The following C19orf12 variants were observed in gnomAD, a reference collection of about 807,000 sequenced individuals.
C19orf12 encodes the protein protein C19orf12.
C19orf12 carries 2 observed loss-of-function variants against 3.8 expected under a neutral mutation model. The ratio of observed to expected loss-of-function variants is 0.53; its 90% CI spans 0.22 to 1.66. C19orf12 has a LOEUF of 1.66. Ranked by LOEUF, C19orf12 falls within the 40% of genes most tolerant of loss-of-function variation. C19orf12 has a pLI of 0.20. For missense variants in C19orf12, 156 were observed against 188.8 expected (o/e 0.83, Z 1.02); for synonymous variants, 89 against 84.6 (o/e 1.05, Z -0.28).
chr19:29,708,837 T>G (rs1298026192), intron 1 of C19orf12, among the ~76,000 whole-genome samples: 1 of 152,184 alleles, frequency 6.6e-6, no homozygotes, highest in Non-Finnish European at 1.5e-5. Flanking sequence ...GTGAGGCATC[T>G]GAGCTGAGGC....
intron 1 of C19orf12, among the ~76,000 whole-genome samples, chr19:29,710,651 C>A (rs1004743979): frequency 6.6e-6 from 1 of 152,160 alleles, no homozygotes; most frequent in Non-Finnish European, 1.5e-5. Flanking sequence ...GAGGGCAGGC[C>A]TTGTGAGCCC....
At position 29,700,011 on chromosome 19, in the gene C19orf12, C is replaced by T. The variant is rs1599526376; in HGVS notation, c.*2701G>A. ...GCCTCCAAGTCACCCCAGGACCCAG[C>T]TAGTTCCAGTGTCTTCACTCAGCAA... On this transcript the variant is annotated 3_prime_UTR_variant, in exon 3 of 3. Coordinates refer to ENST00000323670, the MANE Select transcript of C19orf12 (RefSeq NM_031448.6). 2.2e-6 allele frequency: 1 copy of T among 454,084 alleles called. No individual in the cohort carries two copies. Among genetic ancestry groups the T allele is most frequent in the South Asian group, 1.6e-5 (1 of 64,474 alleles). 28.1% of individuals were successfully genotyped at this position (454,084 alleles called of 1,614,324 possible). A position where few individuals can be genotyped will look rare whatever the true frequency, so the allele number is the denominator to read the frequency against.
At position 29,701,387 on chromosome 19, in the gene C19orf12, T is replaced by G. The variant is rs1432171059; in HGVS notation, c.*1325A>C. On this transcript the variant is annotated 3_prime_UTR_variant, in exon 3 of 3. Coordinates refer to ENST00000323670, the MANE Select transcript of C19orf12 (RefSeq NM_031448.6). ...ACACCTTCCTGTATAATTTAAATCA[T>G]CTCTAGATTTCTTATAATACCAAAT... 1 of 454,154 alleles carries G rather than the reference T, an allele frequency of 2.2e-6. No individual in the cohort carries two copies. Among genetic ancestry groups the G allele is most frequent in the Admixed American group, 2.3e-5 (1 of 42,582 alleles). The allele number at this position is 454,154 out of a possible 1,614,324, so 28.1% of individuals were successfully genotyped here. A position where few individuals can be genotyped will look rare whatever the true frequency, so the allele number is the denominator to read the frequency against.
chr19:29,712,795 G>A (rs894172843), intron 1 of C19orf12, among the ~76,000 whole-genome samples: 6 of 152,078 alleles, frequency 3.9e-5, no homozygotes, highest in Admixed American at 1.3e-4. Context: ...GAGTGTCTGC[G>A]TCCTTGATTT....
chr19:29,704,288 T>G (rs1177838671), intron 2 of C19orf12, among the ~76,000 whole-genome samples: 1 of 151,980 alleles, frequency 6.6e-6, no homozygotes, highest in African/African-American at 2.4e-5. Flanking sequence ...GCCAACATGG[T>G]GAAACCCTGT....
At chr19:29,707,544 T>C (rs890971528) in intron 2 of C19orf12, among the ~76,000 whole-genome samples, 2 of 152,156 alleles carry the variant, frequency 1.3e-5, no homozygotes, top group Non-Finnish European at 2.9e-5. Context: ...TGGTTTCCTT[T>C]CTGCAGGGAC....
rs1176800418 is a variant in C19orf12, at chr19:29,700,185, G to A, written c.*2527C>T. 4.4e-6 allele frequency: 2 copies of A among 454,058 alleles called. No individual in the cohort carries two copies. Among genetic ancestry groups the A allele is most frequent in the Non-Finnish European group, 8.8e-6 (2 of 226,778 alleles). 28.1% of individuals were successfully genotyped at this position (454,058 alleles called of 1,614,324 possible). A position where few individuals can be genotyped will look rare whatever the true frequency, so the allele number is the denominator to read the frequency against. ...GGGACCACCTGTGTCCCCTGGGCCTGACACAGACCAGGACCTGATGCACGA... is the reference window on the plus strand; with the variant it reads ...GGGACCACCTGTGTCCCCTGGGCCTAACACAGACCAGGACCTGATGCACGA... On this transcript the variant is annotated 3_prime_UTR_variant, in exon 3 of 3. Coordinates refer to ENST00000323670, the MANE Select transcript of C19orf12 (RefSeq NM_031448.6).
chr19:29,714,230 C>T (rs2145659236), intron 1 of C19orf12, among the ~76,000 whole-genome samples: 1 of 152,190 alleles, frequency 6.6e-6, no homozygotes, highest in Admixed American at 6.5e-5. Flanking sequence ...CGGGGTGGCT[C>T]ACGTCTGTAA....
chr19:29,713,415 C>T (rs1041216440), intron 1 of C19orf12, among the ~76,000 whole-genome samples: 7 of 152,006 alleles, frequency 4.6e-5, no homozygotes, highest in East Asian at 1.9e-4. Context: ...TACAGAGAGA[C>T]GGAGACAAGC....
At chr19:29,705,361 C>T (rs1463704448) in intron 2 of C19orf12, 6 of 416,824 alleles carry the variant, frequency 1.4e-5, no homozygotes, top group South Asian at 8.2e-5. Flanking sequence ...AGAAAGCAGG[C>T]GATTCAATGC....
rs969820067 is a variant in C19orf12 at position 29,700,038 on chromosome 19, G to T, written c.*2674C>A. ...AGTTCCAGTGTCTTCACTCAGCAAG[G>T]CCTGCTCCATCGGACACAAAACTGA... On this transcript the variant is annotated 3_prime_UTR_variant, in exon 3 of 3. Transcript: ENST00000323670. 2.2e-6 allele frequency: 1 copy of T among 453,994 alleles called. No individual in the cohort carries two copies. 28.1% of individuals were successfully genotyped at this position (453,994 alleles called of 1,614,324 possible).
chr19:29,699,487 AAAAAAAAAAG>A lies in C19orf12; in HGVS notation c.*3215_*3224del, dbSNP rs754757234. The A allele has an allele frequency of 4.0e-5, 16 of 400,260 alleles. No individual in the cohort carries two copies. Among genetic ancestry groups the A allele is most frequent in the South Asian group, 3.0e-4 (16 of 53,660 alleles). 24.8% of individuals were successfully genotyped at this position (400,260 alleles called of 1,614,324 possible). Reference sequence around the variant, plus strand: ...GACAGTGCGAGACTCCATCTCAAAAAAAAAAAAAAGAAAAAAAGAAAAAAATATATGTGTA... The same window carrying A: ...GACAGTGCGAGACTCCATCTCAAAAAAAAAAAAGAAAAAAATATATGTGTA... On this transcript the variant is annotated 3_prime_UTR_variant, in exon 3 of 3. Transcript: ENST00000323670.
chr19:29,702,971 G>A lies in C19orf12; in HGVS notation c.167C>T (p.Ala56Val), dbSNP rs756035248. ...GGPPGLAVGG[A>V]VGGLLGAWMT... ...CCAGGCACCTAACAGCCCCCCGACA[G>A]CCCCCCCTAGAAAACATGGAATCGT... is the stretch of plus-strand genomic sequence containing the variant. The change falls in exon 3 of 3, where the codon GCT becomes GTT. Residue 56 changes from alanine (A) to valine (V), a missense_variant. Ala to Val is a moderately conservative substitution (Grantham distance 64). Coordinates refer to ENST00000323670, the MANE Select transcript of C19orf12 (RefSeq NM_031448.6). 1 of 1,613,558 alleles carries A rather than the reference G, an allele frequency of 6.2e-7. No homozygotes were observed. Among genetic ancestry groups the A allele is most frequent in the Non-Finnish European group, 8.5e-7 (1 of 1,179,844 alleles).
In C19orf12 at chr19:29,700,797, A is replaced by G. The variant is rs981792437; in HGVS notation, c.*1915T>C. The G allele has an allele frequency of 4.4e-6, 2 of 453,996 alleles. No homozygotes were observed. The highest frequency in any genetic ancestry group is 8.8e-6 in the Non-Finnish European group (2 of 226,798). The allele number at this position is 453,996 out of a possible 1,614,324, so 28.1% of individuals were successfully genotyped here. ...AATTCACCCTGACGTCCTTACACAC[A>G]TGGAGGTGCCAGGATACTGAGCTTT... On this transcript the variant is annotated 3_prime_UTR_variant, in exon 3 of 3. Transcript: ENST00000323670.
chr19:29,708,027 C>T (rs561227219), intron 2 of C19orf12, among the ~76,000 whole-genome samples: 29 of 151,906 alleles, frequency 1.9e-4, no homozygotes, highest in South Asian at 2.1e-4. Context: ...ACCAGACACC[C>T]GCCACCACGC....
chr19:29,714,054 GTGT>G (rs528175797), intron 1 of C19orf12, among the ~76,000 whole-genome samples: 74 of 149,030 alleles, frequency 5.0e-4, no homozygotes, highest in African/African-American at 8.9e-4. Flanking sequence ...GTTGTTGCTG[GTGT>G]TGTTGTTGTT....
chr19:29,711,569 C>T (rs974815795), intron 1 of C19orf12, among the ~76,000 whole-genome samples: 1 of 152,206 alleles, frequency 6.6e-6, no homozygotes, highest in Non-Finnish European at 1.5e-5. Context: ...TTTCCCCGGG[C>T]GTGAAGACCC....
At chr19:29,704,880 T>C (rs1370298782) in intron 2 of C19orf12, among the ~76,000 whole-genome samples, 1 of 152,192 alleles carries the variant, frequency 6.6e-6, no homozygotes, top group Admixed American at 6.5e-5. Flanking sequence ...GACAGCTTGG[T>C]TCCTATGGAG....
rs956105009 is a variant in C19orf12, at chr19:29,699,338, C to T, written c.*3374G>A. 3.3e-5 allele frequency: 12 copies of T among 364,798 alleles called. No individual in the cohort carries two copies. Among genetic ancestry groups the T allele is most frequent in the Admixed American group, 1.2e-4 (3 of 25,472 alleles). The allele number at this position is 364,798 out of a possible 1,614,324, so 22.6% of individuals were successfully genotyped here. On this transcript the variant is annotated 3_prime_UTR_variant, in exon 3 of 3. Transcript: ENST00000323670. ...AAAAAAATAAAAAAATAAAAATTAG[C>T]CGGGCATGGTGGCGGGCGACTGTAG...
Sources: gnomAD v4.1 joint callset for allele counts (sites outside exome capture counted in the v4.1 genomes callset) on GRCh38, gnomAD v4.1.1 for gene constraint, MANE v1.5 for transcripts, NCBI Gene and HGNC (gene_info 2026-07-23, HGNC 2026-07-21) for gene names.